MKLN1: variants seen among roughly 807,000 people sequenced by gnomAD.
The protein encoded by MKLN1 is muskelin.
MKLN1 carries 18 observed loss-of-function variants against 99.0 expected under a neutral mutation model. That is an observed-to-expected ratio of 0.18 (90% CI 0.13 to 0.27). The LOEUF (loss-of-function observed/expected upper bound fraction) is 0.27. MKLN1 is among the 10% of genes least tolerant of loss of function. MKLN1 has a pLI of 1.00. For synonymous variants in MKLN1, 288 were observed against 293.2 expected, an observed-to-expected ratio of 0.98 and a Z score of 0.18; for missense variants, 621 against 875.9, an observed-to-expected ratio of 0.71 and a Z score of 3.67.
In MKLN1 at chr7:131,441,412, A is replaced by G. The variant is rs149110041; in HGVS notation, c.1174-2069A>G. Reference sequence around the variant, plus strand: ...TCAGGTTCAAAAAATAATTTTTCCCAGGAAAATAAGTGGTTATCCACTATT... The same window carrying G: ...TCAGGTTCAAAAAATAATTTTTCCCGGGAAAATAAGTGGTTATCCACTATT... On this transcript the variant is annotated intron_variant, in intron 10 of 17. Coordinates refer to ENST00000352689, the MANE Select transcript of MKLN1 (RefSeq NM_013255.5). Among the ~76,000 whole-genome samples, 482 of 152,346 alleles carry G rather than the reference A, an allele frequency of 3.2e-3. 5 individuals are homozygous for G. Among genetic ancestry groups the G allele is most frequent in the Admixed American group, 9.1e-3 (139 of 15,302 alleles).
intron 2 of MKLN1, among the ~76,000 whole-genome samples, chr7:131,148,230 C>G (rs12533615): frequency 6.6e-6 from 1 of 151,804 alleles, no homozygotes; most frequent in African/African-American, 2.4e-5. Context: ...GCCTGTTCTC[C>G]AGGCCAGCAT....
intron 3 of MKLN1, among the ~76,000 whole-genome samples, chr7:131,224,531 C>T (rs1021819521): frequency 7.9e-5 from 12 of 151,778 alleles, no homozygotes; most frequent in Admixed American, 3.9e-4. Context: ...GGTGATAGAG[C>T]GAGACTCCTT....
At chr7:131,415,679 C>G (rs1301235038) in intron 8 of MKLN1, among the ~76,000 whole-genome samples, 1 of 151,954 alleles carries the variant, frequency 6.6e-6, no homozygotes, top group Non-Finnish European at 1.5e-5. Flanking sequence ...CCTTTCTGCC[C>G]TGCAGAAATA....
At chr7:131,212,871 C>T (rs537731773) in intron 3 of MKLN1, among the ~76,000 whole-genome samples, 30 of 150,982 alleles carry the variant, frequency 2.0e-4, no homozygotes, top group Middle Eastern at 3.4e-3. Context: ...TGCGGTGAGC[C>T]GAGATCGCAC....
intron 1 of MKLN1, among the ~76,000 whole-genome samples, chr7:131,330,065 G>A (rs1799025415): frequency 1.3e-5 from 2 of 152,148 alleles, no homozygotes; most frequent in Non-Finnish European, 1.5e-5. Flanking sequence ...AGAATATTGT[G>A]TCTGCTGGGT....
intron 8 of MKLN1, among the ~76,000 whole-genome samples, chr7:131,421,360 C>G (rs1044137367): frequency 6.6e-6 from 1 of 152,120 alleles, no homozygotes; most frequent in Non-Finnish European, 1.5e-5. Context: ...TAATCACTTT[C>G]AAAGAGATTG....
At chr7:131,332,602 C>T (rs1224507533) in intron 1 of MKLN1, among the ~76,000 whole-genome samples, 1 of 151,524 alleles carries the variant, frequency 6.6e-6, no homozygotes, top group Non-Finnish European at 1.5e-5. Flanking sequence ...GATTACTAGT[C>T]ACCCTTTAAA....
intron 3 of MKLN1, among the ~76,000 whole-genome samples, chr7:131,204,773 G>T (rs541148233): frequency 6.6e-5 from 10 of 152,204 alleles, no homozygotes; most frequent in African/African-American, 2.2e-4. Context: ...AGACCATCCT[G>T]GCTACAAAAA....
At chr7:131,374,455 G>A (rs139120682) in intron 1 of MKLN1, among the ~76,000 whole-genome samples, 56 of 152,184 alleles carry the variant, frequency 3.7e-4, no homozygotes, top group Middle Eastern at 3.4e-3. Context: ...GTATCACAGG[G>A]TTCCTTCTGC....
intron 3 of MKLN1, among the ~76,000 whole-genome samples, chr7:131,305,061 G>T (rs1798434174): frequency 6.6e-6 from 1 of 152,180 alleles, no homozygotes; most frequent in Non-Finnish European, 1.5e-5. Context: ...GAAGCAGGGA[G>T]ACTGGGCCCT....
upstream of MKLN1, among the ~76,000 whole-genome samples, chr7:131,325,958 C>T (rs1798879963): frequency 6.6e-6 from 1 of 151,330 alleles, no homozygotes; most frequent in Non-Finnish European, 1.5e-5. Context: ...TTATGAAGGG[C>T]CTCTGTTAAA....
chr7:131,141,888 T>C (rs1371722803), intron 1 of MKLN1, among the ~76,000 whole-genome samples: 1 of 152,210 alleles, frequency 6.6e-6, no homozygotes, highest in Non-Finnish European at 1.5e-5. Flanking sequence ...CTATTCACCT[T>C]TGTATTCCTA....
chr7:131,496,601 TTTTC>T lies in MKLN1; in HGVS notation c.*8876_*8879del, dbSNP rs1181650228. The stretch of plus-strand genomic sequence containing the variant: ...ATGGAGAAAGAATGTATTTTGTTCA[TTTTC>T]TTAATAAAATGTTATATATGGATGC... On this transcript the variant is annotated 3_prime_UTR_variant, in exon 18 of 18. Coordinates refer to ENST00000352689, the MANE Select transcript of MKLN1 (RefSeq NM_013255.5). 6.6e-6 allele frequency: 1 copy of T among 151,544 alleles called. No individual in the cohort carries two copies. The highest frequency in any genetic ancestry group is 1.5e-5 in the Non-Finnish European group (1 of 68,042). 9.4% of individuals were successfully genotyped at this position (151,544 alleles called of 1,614,324 possible). A position where few individuals can be genotyped will look rare whatever the true frequency, so the allele number is the denominator to read the frequency against.
chr7:131,324,549 T>C (rs1276570299), upstream of MKLN1: 2 of 152,150 alleles, frequency 1.3e-5, no homozygotes, highest in African/African-American at 4.8e-5. Flanking sequence ...GTAGCAGCAG[T>C]TACAAGTGGA....
chr7:131,258,697 A>G (rs1289395812), intron 3 of MKLN1, among the ~76,000 whole-genome samples: 3 of 152,142 alleles, frequency 2.0e-5, no homozygotes, highest in Non-Finnish European at 2.9e-5. Context: ...CTTTTTCTTT[A>G]TTAGTGCCTT....
chr7:131,427,148 C>A (rs1423196585), intron 8 of MKLN1, among the ~76,000 whole-genome samples: 1 of 152,210 alleles, frequency 6.6e-6, no homozygotes, highest in Non-Finnish European at 1.5e-5. Flanking sequence ...GTGGCCTGTT[C>A]TTATCCAGAA....
intron 1 of MKLN1, among the ~76,000 whole-genome samples, chr7:131,139,113 C>T (rs1043085484): frequency 6.6e-6 from 1 of 152,098 alleles, no homozygotes; most frequent in Non-Finnish European, 1.5e-5. Flanking sequence ...TATCTTCTTC[C>T]TGGAATACAG....
intron 17 of MKLN1, among the ~76,000 whole-genome samples, chr7:131,484,862 CA>C (rs144221185): frequency 0.021 from 3,193 of 151,450 alleles, 50 homozygotes; most frequent in Middle Eastern, 0.034. Context: ...TGCTGGGAGT[CA>C]GGGTTTTCTT....
intron 2 of MKLN1, among the ~76,000 whole-genome samples, chr7:131,156,447 C>CA (rs143988738): frequency 0.52 from 39,374 of 75,234 alleles, 9,844 homozygotes; most frequent in Non-Finnish European, 0.58. Flanking sequence ...GACTCTGTCT[C>CA]AAAAAAAAAA....
Sources: gnomAD v4.1 joint callset for allele counts (sites outside exome capture counted in the v4.1 genomes callset) on GRCh38, gnomAD v4.1.1 for gene constraint, MANE v1.5 for transcripts, NCBI Gene and HGNC (gene_info 2026-07-23, HGNC 2026-07-21) for gene names.